Variants in MAP1A observed in about 807,000 individuals in gnomAD.
MAP1A encodes the protein microtubule-associated protein 1A.
MAP1A carries 42 observed loss-of-function variants against 185.9 expected under a neutral mutation model. The observed-to-expected ratio is 0.23, with a 90% CI of 0.18 to 0.29. The LOEUF is 0.29. Among genes scored for constraint, MAP1A ranks in the 10% least tolerant of loss-of-function variants. MAP1A has a pLI of 1.00. For missense variants in MAP1A, 2,995 were observed against 3,450.4 expected (o/e 0.87, Z 3.31); for synonymous variants, 1,229 against 1,335.9 (o/e 0.92, Z 1.74).
At position 43,527,031 on chromosome 15, in the gene MAP1A, C is replaced by T; in HGVS notation, c.5558C>T (p.Pro1853Leu). Residue 1853 changes from proline to leucine, a missense_variant, in exon 4 of 6, where the codon CCC becomes CTC. Pro to Leu is a moderately conservative substitution (Grantham distance 98). Transcript: ENST00000300231. ...TGGGTGCCCAAGGACAGACCCCTCC[C>T]CCCTGCACCCCTCTCCCCAGCTCCT... ...PPWVPKDRPL[P>L]PAPLSPAPGP... 6.3e-7 allele frequency: 1 copy of T among 1,598,992 alleles called. No homozygotes were observed. The highest frequency in any genetic ancestry group is 1.1e-5 in the South Asian group (1 of 88,058).
chr15:43,527,970 C>T lies in MAP1A; in HGVS notation c.6497C>T (p.Ser2166Leu). Residue 2166 changes from serine to leucine, a missense_variant, in exon 4 of 6, where the codon TCA becomes TTA. Physicochemically the swap from Ser to Leu is moderately radical, Grantham distance 145. Around this residue, in one of 3 missense-constraint regions of MAP1A, gnomAD observed 2,728 missense variants for 2,986.0 expected, o/e 0.91. Coordinates refer to ENST00000300231, the MANE Select transcript of MAP1A (RefSeq NM_002373.6). ...CGACCCAGTCTGGACTTCCCTGCTT[C>T]AGCCTTTGGCTTCTCCTCATTGCAG... ...PARPSLDFPA[S>L]AFGFSSLQPA... 1 of 1,614,138 alleles carries T rather than the reference C, an allele frequency of 6.2e-7. No homozygotes were observed. Among genetic ancestry groups the T allele is most frequent in the Non-Finnish European group, 8.5e-7 (1 of 1,180,028 alleles).
rs2079368836 is a variant in MAP1A at position 43,530,826 on chromosome 15, T to C, written c.*602T>C. On this transcript the variant is annotated 3_prime_UTR_variant, in exon 6 of 6. Coordinates refer to ENST00000300231, the MANE Select transcript of MAP1A (RefSeq NM_002373.6). ...GTATCTGAATGTCTCAATTTAAAAC[T>C]TGAAGCTCTTTAGACCAATAGACTG... 1 of 155,114 alleles carries C rather than the reference T, an allele frequency of 6.4e-6. No individual in the cohort carries two copies. The highest frequency in any genetic ancestry group is 6.3e-5 in the Admixed American group (1 of 15,814). The allele number at this position is 155,114 out of a possible 1,614,324, so 9.6% of individuals were successfully genotyped here.
Position 43,528,785 on chromosome 15 carries a change from G to A in MAP1A, c.7312G>A (p.Ala2438Thr). 6.2e-7 allele frequency: 1 copy of A among 1,613,368 alleles called. No homozygotes were observed. Among genetic ancestry groups the A allele is most frequent in the Non-Finnish European group, 8.5e-7 (1 of 1,179,938 alleles). The stretch of plus-strand genomic sequence containing the variant: ...GGTCGAAGCTGGGCCCCAGGGATGT[G>A]CCACTGAGCCTCGGCCCCATCGTGG... ...PEVEAGPQGC[A>T]TEPRPHRGEL... Residue 2438 changes from alanine (A) to threonine (T), a missense_variant, in exon 4 of 6, where the codon GCC (alanine) becomes ACC (threonine). Physicochemically the swap from Ala to Thr is moderately conservative, Grantham distance 58 (BLOSUM62 0). Around this residue, in one of 3 missense-constraint regions of MAP1A, gnomAD observed 2,728 missense variants for 2,986.0 expected, o/e 0.91. Transcript: ENST00000300231.
In MAP1A at chr15:43,529,071, CAGATGA is replaced by C; in HGVS notation, c.7604_7609del (p.Glu2535_Asp2536del). On this transcript the variant is annotated inframe_deletion, in exon 4 of 6. Coordinates refer to ENST00000300231, the MANE Select transcript of MAP1A (RefSeq NM_002373.6). The surrounding 1 kb of genome is among the most constrained non-coding windows in gnomAD (Gnocchi z 4.3). ...ATCACAGCTGAGGCAGCCCTCGACT[CAGATGA>C]AGATGGAGACTTCCTACCTGTGGAC... 6.2e-7 allele frequency: 1 copy of C among 1,613,918 alleles called. No homozygotes were observed. The highest frequency in any genetic ancestry group is 8.5e-7 in the Non-Finnish European group (1 of 1,180,010).
chr15:43,529,803 G>A lies in MAP1A; in HGVS notation c.8189G>A (p.Gly2730Asp). The A allele has an allele frequency of 6.2e-7, 1 of 1,614,170 alleles. No individual in the cohort carries two copies. The highest frequency in any genetic ancestry group is 2.2e-5 in the East Asian group (1 of 44,880). Residue 2730 changes from glycine to aspartate, a missense_variant, in exon 5 of 6, where the codon GGC becomes GAC. This residue lies in a region of MAP1A where 2,728 missense variants were observed against 2,986.0 expected (regional missense o/e 0.91). Transcript: ENST00000300231. This position sits in a 1 kb window ranked among gnomAD's most constrained non-coding sequence, Gnocchi z 4.3. ...GTCAGTGGGAATGACCCTGCCAATGGCGAGCCAAGCCGGGCTGTGCTGGAT... is the reference window on the plus strand; with the variant it reads ...GTCAGTGGGAATGACCCTGCCAATGACGAGCCAAGCCGGGCTGTGCTGGAT... ...YVVSGNDPAN[G>D]EPSRAVLDAL...
rs2079363220 is a variant in MAP1A, at chr15:43,529,663, C to T, written c.8049C>T (p.Ser2683=). 2 of 1,614,024 alleles carry T rather than the reference C, an allele frequency of 1.2e-6. No individual in the cohort carries two copies. Among genetic ancestry groups the T allele is most frequent in the Admixed American group, 3.3e-5 (2 of 60,004 alleles). The change falls in exon 5 of 6, where the codon TCC becomes TCT. Residue 2683 remains serine (S), a synonymous_variant. Transcript: ENST00000300231. The surrounding 1 kb of genome is among the most constrained non-coding windows in gnomAD (Gnocchi z 4.3). ...TTGTCTCTACAGTGGCCTTGAGTTC[C>T]AAGGGCAGCTCTGGTGCCCCTGTAT... ...GLKAGPMALS[S]KGSSGAPVYV... is the part of the protein sequence containing the mutation.
In MAP1A at chr15:43,526,809, G is replaced by T. The variant is rs774965417; in HGVS notation, c.5336G>T (p.Gly1779Val). 72 of 1,613,976 alleles carry T rather than the reference G, an allele frequency of 4.5e-5. No individual in the cohort carries two copies. The Middle Eastern group carries it at 6.6e-4, about 15-fold the overall frequency. ...CGCTGGCTTGCTGAATCACCAGTTG[G>T]GTTGCCACCAGAGGAAGAGGACAAA... ...VERWLAESPVGLPPEEEDKLT... is the reference protein window; with the variant it reads ...VERWLAESPVVLPPEEEDKLT... The change falls in exon 4 of 6, where the codon GGG becomes GTG. Residue 1779 changes from glycine to valine, a missense_variant. Transcript: ENST00000300231. This position sits in a 1 kb window ranked among gnomAD's most constrained non-coding sequence, Gnocchi z 4.7.
chr15:43,522,972 C>T lies in MAP1A; in HGVS notation c.1499C>T (p.Ser500Phe). Residue 500 changes from serine (S) to phenylalanine (F), a missense_variant, in exon 4 of 6, where the codon TCT (serine) becomes TTT (phenylalanine). Physicochemically the swap from Ser to Phe is radical, Grantham distance 155 (BLOSUM62 -2). This residue lies in a region of MAP1A where 2,728 missense variants were observed against 2,986.0 expected (regional missense o/e 0.91). Coordinates refer to ENST00000300231, the MANE Select transcript of MAP1A (RefSeq NM_002373.6). The surrounding 1 kb of genome is among the most constrained non-coding windows in gnomAD (Gnocchi z 5.9). ...RAIRGEKELS[S>F]EPQTPPAQKG... is the part of the protein sequence containing the mutation. ...ATCCGTGGGGAGAAGGAGCTGTCTTCTGAGCCCCAGACACCCCCAGCCCAG... is the reference window on the plus strand; with the variant it reads ...ATCCGTGGGGAGAAGGAGCTGTCTTTTGAGCCCCAGACACCCCCAGCCCAG... The T allele has an allele frequency of 6.2e-7, 1 of 1,614,172 alleles. No homozygotes were observed. Among genetic ancestry groups the T allele is most frequent in the Non-Finnish European group, 8.5e-7 (1 of 1,180,020 alleles).
Position 43,517,672 on chromosome 15 carries a change from C to T in MAP1A, c.-403C>T, listed in dbSNP as rs1015646454. On this transcript the variant is annotated 5_prime_UTR_variant, in exon 1 of 6. Transcript: ENST00000300231. ...CCGGCTGAGGCCGGAGCTGCCGCCT[C>T]CATGAGAGGCTTCCTCCTACACCCC... 2.0e-6 allele frequency: 2 copies of T among 984,708 alleles called. No homozygotes were observed. The highest frequency in any genetic ancestry group is 6.2e-5 in the Admixed American group (1 of 16,230). The allele number at this position is 984,708 out of a possible 1,614,324, so 61.0% of individuals were successfully genotyped here. A position where few individuals can be genotyped will look rare whatever the true frequency, so the allele number is the denominator to read the frequency against.
In MAP1A at chr15:43,525,622, G is replaced by A. The variant is rs748399444; in HGVS notation, c.4149G>A (p.Lys1383=). Residue 1383 remains lysine (K), a synonymous_variant, in exon 4 of 6, where the codon AAG becomes AAA. Coordinates refer to ENST00000300231, the MANE Select transcript of MAP1A (RefSeq NM_002373.6). ...AGCACAAGGAGGTGGTAGAGCCGAA[G>A]GATACAGCCATCTATCAGAAAGATG... ...TLEHKEVVEP[K]DTAIYQKDEA... 1.4e-5 allele frequency: 22 copies of A among 1,614,098 alleles called. No individual in the cohort carries two copies. The highest frequency in any genetic ancestry group is 1.8e-5 in the Non-Finnish European group (21 of 1,180,054).
At position 43,521,314 on chromosome 15, in the gene MAP1A, A is replaced by C. The variant is rs780117649; in HGVS notation, c.-150-10A>C. ...TGACCTGATCAGGTTTCTATCTCCT[A>C]TTCTTCTAGATTTCCCAATTGCTCA... On this transcript the variant is annotated splice_polypyrimidine_tract_variant and intron_variant, in intron 3 of 5. Transcript: ENST00000300231. This position sits in a 1 kb window ranked among gnomAD's most constrained non-coding sequence, Gnocchi z 4.6. 2 of 1,596,190 alleles carry C rather than the reference A, an allele frequency of 1.3e-6. No individual in the cohort carries two copies. Among genetic ancestry groups the C allele is most frequent in the Non-Finnish European group, 1.7e-6 (2 of 1,172,488 alleles).
Position 43,527,109 on chromosome 15 carries a change from G to A in MAP1A, c.5636G>A (p.Gly1879Asp). 2 of 1,599,832 alleles carry A rather than the reference G, an allele frequency of 1.3e-6. No individual in the cohort carries two copies. Among genetic ancestry groups the A allele is most frequent in the South Asian group, 1.1e-5 (1 of 88,500 alleles). The stretch of plus-strand genomic sequence containing the variant: ...CATACTCCTGCACCCTTCTCTTGGG[G>A]CACAGCCGAGTATGACAGTGTGGTG... ...ESHTPAPFSW[G>D]TAEYDSVVAA... The change falls in exon 4 of 6, where the codon GGC becomes GAC. Residue 1879 changes from glycine (G) to aspartate (D), a missense_variant. This residue lies in a region of MAP1A where 2,728 missense variants were observed against 2,986.0 expected (regional missense o/e 0.91). Transcript: ENST00000300231.
Position 43,527,305 on chromosome 15 carries a change from G to T in MAP1A, c.5832G>T (p.Thr1944=). The change falls in exon 4 of 6, where the codon ACG becomes ACT. Residue 1944 remains threonine, a synonymous_variant. Transcript: ENST00000300231. ...VPEASKSHAT[T]EPEQTEPEQR... ...AGGCCAGCAAAAGCCATGCCACCAC[G>T]GAGCCTGAGCAGACTGAGCCGGAGC... 1.9e-6 allele frequency: 3 copies of T among 1,614,172 alleles called. No homozygotes were observed. The highest frequency in any genetic ancestry group is 2.5e-6 in the Non-Finnish European group (3 of 1,180,010).
At chr15:43,512,093 C>G in intron 1 of MAP1A, 3 of 731,058 alleles carry the variant, frequency 4.1e-6, no homozygotes, top group Non-Finnish European at 7.5e-6. Flanking sequence ...TACCCTCCCT[C>G]TCCTTACCTG....
In MAP1A at chr15:43,521,272, G is replaced by T; in HGVS notation, c.-150-52G>T. Reference sequence around the variant, plus strand: ...AGATTAGGGTACTGAATCTAAGTCAGACCAAAACAACTCTAGTGACCTGAT... The same window carrying T: ...AGATTAGGGTACTGAATCTAAGTCATACCAAAACAACTCTAGTGACCTGAT... On this transcript the variant is annotated intron_variant, in intron 3 of 5. Transcript: ENST00000300231. The surrounding 1 kb of genome is among the most constrained non-coding windows in gnomAD (Gnocchi z 4.6). 6.6e-7 allele frequency: 1 copy of T among 1,513,228 alleles called. No individual in the cohort carries two copies. Among genetic ancestry groups the T allele is most frequent in the Non-Finnish European group, 8.8e-7 (1 of 1,133,500 alleles). 93.7% of individuals were successfully genotyped at this position (1,513,228 alleles called of 1,614,324 possible).
rs570841924 is a variant in MAP1A, at chr15:43,522,914, C to T, written c.1441C>T (p.Pro481Ser). ...VRKTLYKAKV[P>S]GRVKIDRSRA... is the part of the protein sequence containing the mutation. ...TAAGACCCTCTATAAAGCCAAGGTC[C>T]CTGGAAGAGTCAAAATAGACAGGAG... is the stretch of plus-strand genomic sequence containing the variant. The change falls in exon 4 of 6, where the codon CCT (proline) becomes TCT (serine). Residue 481 changes from proline (P) to serine (S), a missense_variant. Coordinates refer to ENST00000300231, the MANE Select transcript of MAP1A (RefSeq NM_002373.6). This position sits in a 1 kb window ranked among gnomAD's most constrained non-coding sequence, Gnocchi z 5.9. The T allele has an allele frequency of 5.6e-6, 9 of 1,613,396 alleles. No individual in the cohort carries two copies. The East Asian group carries it at 2.0e-4, about 36-fold the overall frequency.
chr15:43,522,551 GAGA>G lies in MAP1A; in HGVS notation c.1084_1086del (p.Lys362del), dbSNP rs758886364. The G allele has an allele frequency of 7.4e-6, 12 of 1,611,518 alleles. No individual in the cohort carries two copies. Among genetic ancestry groups the G allele is most frequent in the Non-Finnish European group, 9.3e-6 (11 of 1,178,686 alleles). Reference sequence around the variant, plus strand: ...GCTGGCCAAGGAGTTAGCCAAGACAGAGAAGAAGGCAAAAGAGTCATCTGAGAA... The same window carrying G: ...GCTGGCCAAGGAGTTAGCCAAGACAGAGAAGGCAAAAGAGTCATCTGAGAA... On this transcript the variant is annotated inframe_deletion, in exon 4 of 6. Coordinates refer to ENST00000300231, the MANE Select transcript of MAP1A (RefSeq NM_002373.6). This position sits in a 1 kb window ranked among gnomAD's most constrained non-coding sequence, Gnocchi z 5.9.
In MAP1A at chr15:43,526,727, G is replaced by A. The variant is rs376848649; in HGVS notation, c.5254G>A (p.Ala1752Thr). The change falls in exon 4 of 6, where the codon GCC (alanine) becomes ACC (threonine). Residue 1752 changes from alanine to threonine, a missense_variant. Physicochemically the swap from Ala to Thr is moderately conservative, Grantham distance 58 (BLOSUM62 0). Transcript: ENST00000300231. The surrounding 1 kb of genome is among the most constrained non-coding windows in gnomAD (Gnocchi z 4.7). Reference sequence around the variant, plus strand: ...GGAACACGCAACCCGGAGCCCCTGGGCCTCAGACTTCAAGGATTTCCAGGA... The same window carrying A: ...GGAACACGCAACCCGGAGCCCCTGGACCTCAGACTTCAAGGATTTCCAGGA... ...LREHATRSPWASDFKDFQESS... is the reference protein window; with the variant it reads ...LREHATRSPWTSDFKDFQESS... The A allele has an allele frequency of 6.2e-7, 1 of 1,614,118 alleles. No homozygotes were observed. Among genetic ancestry groups the A allele is most frequent in the Non-Finnish European group, 8.5e-7 (1 of 1,179,996 alleles).
At position 43,526,398 on chromosome 15, in the gene MAP1A, G is replaced by A; in HGVS notation, c.4925G>A (p.Arg1642Lys). 1 of 1,614,234 alleles carries A rather than the reference G, an allele frequency of 6.2e-7. No homozygotes were observed. The highest frequency in any genetic ancestry group is 8.5e-7 in the Non-Finnish European group (1 of 1,180,044). ...RAREQEEKYW[R>K]GQDVVQEWQE... Reference sequence around the variant, plus strand: ...AGAGAGCAGGAAGAAAAGTACTGGAGGGGGCAGGATGTGGTCCAGGAGTGG... The same window carrying A: ...AGAGAGCAGGAAGAAAAGTACTGGAAGGGGCAGGATGTGGTCCAGGAGTGG... The change falls in exon 4 of 6, where the codon AGG becomes AAG. Residue 1642 changes from arginine to lysine, a missense_variant. Physicochemically the swap from Arg to Lys is conservative, Grantham distance 26 (BLOSUM62 2). Around this residue, in one of 3 missense-constraint regions of MAP1A, gnomAD observed 2,728 missense variants for 2,986.0 expected, o/e 0.91. Coordinates refer to ENST00000300231, the MANE Select transcript of MAP1A (RefSeq NM_002373.6). This position sits in a 1 kb window ranked among gnomAD's most constrained non-coding sequence, Gnocchi z 4.7.
Sources: gnomAD v4.1 joint callset for allele counts on GRCh38, gnomAD v4.1.1 for gene constraint, gnomAD v4.1.1 regional missense constraint, Gnocchi (gnomAD v3.1) non-coding constraint, MANE v1.5 for transcripts, NCBI Gene and HGNC (gene_info 2026-07-23, HGNC 2026-07-21) for gene names.